The following USP40 variants were observed in gnomAD, a reference collection of about 807,000 sequenced individuals.
USP40 encodes ubiquitin carboxyl-terminal hydrolase 40.
Under a neutral mutation model 166.2 loss-of-function variants are expected in USP40, and 143 were observed. The observed-to-expected ratio is 0.86, with a 90% CI of 0.75 to 0.99. USP40 has a LOEUF of 0.99. Among genes scored for constraint, USP40 ranks in the 50% least tolerant of loss-of-function variants. The pLI is 0.00. For synonymous variants in USP40, 498 were observed against 524.0 expected, an observed-to-expected ratio of 0.95 and a Z score of 0.68; for missense variants, 1,444 against 1,479.7, an observed-to-expected ratio of 0.98 and a Z score of 0.40.
chr2:233,524,337 C>T (rs2067866919), intron 15 of USP40, among the ~76,000 whole-genome samples, 155 bp downstream of exon 15: 1 of 152,148 alleles, frequency 6.6e-6, no homozygotes, highest in South Asian at 2.1e-4. Flanking sequence ...ACTATGATGG[C>T]CAGGCTGGTC....
At chr2:233,496,590 A>C (rs2065761914) in intron 24 of USP40, among the ~76,000 whole-genome samples, 168 bp downstream of exon 24, 1 of 152,246 alleles carries the variant, frequency 6.6e-6, no homozygotes, top group African/African-American at 2.4e-5. Context: ...TTGTGTGAGA[A>C]TATTTACAAG....
In USP40 at chr2:233,485,938, A is replaced by C. The variant is rs771203306; in HGVS notation, c.3237T>G (p.Pro1079=). 151 of 1,595,798 alleles carry C rather than the reference A, an allele frequency of 9.5e-5. 1 individual carries two copies. The South Asian group carries it at 1.7e-3, about 18-fold the overall frequency. ...DVLLRTQVRI[P]GERTYAPALD... Reference sequence around the variant, plus strand: ...GGGCAGGGGCATAGGTCCTCTCACCAGGGATGCGCACCTGTGTCCTCAGCA... The same window carrying C: ...GGGCAGGGGCATAGGTCCTCTCACCCGGGATGCGCACCTGTGTCCTCAGCA... The change falls in exon 29 of 32, where the codon CCT becomes CCG. Residue 1079 remains proline, a synonymous_variant. Transcript: ENST00000678225.
At chr2:233,554,269 C>T in intron 6 of USP40, 111 bp downstream of exon 6, 1 of 1,127,244 alleles carries the variant, frequency 8.9e-7, no homozygotes, top group Admixed American at 3.3e-5. Flanking sequence ...AATATCTTTT[C>T]AATCCTTAGT....
In USP40 at chr2:233,493,481, T is replaced by G. The variant is rs767853288; in HGVS notation, c.2861A>C (p.Asp954Ala). Residue 954 changes from aspartate (D) to alanine (A), a missense_variant, in exon 25 of 32, where the codon GAC becomes GCC. Physicochemically the swap from Asp to Ala is moderately radical, Grantham distance 126 (BLOSUM62 -2). Coordinates refer to ENST00000678225, the MANE Select transcript of USP40 (RefSeq NM_001365479.2). The surrounding 1 kb of genome is among the most constrained non-coding windows in gnomAD (Gnocchi z 4.7). ...CCAAGACGAAGTACAGTTGGTCTGG[T>G]CCTGATGACTCTCCCAGTGTCCTGA... ...GPSGHWESHQ[D>A]QTNCTSSWGR... The G allele has an allele frequency of 3.7e-6, 6 of 1,613,916 alleles. No homozygotes were observed. The highest frequency in any genetic ancestry group is 5.1e-6 in the Non-Finnish European group (6 of 1,179,874).
At chr2:233,520,800 C>T (rs924197222) in intron 17 of USP40, among the ~76,000 whole-genome samples, 191 bp downstream of exon 17, 2 of 152,094 alleles carry the variant, frequency 1.3e-5, no homozygotes, top group South Asian at 2.1e-4. Context: ...TTAAAAGGCA[C>T]GTATTTTCTT....
At position 233,556,936 on chromosome 2, in the gene USP40, A is replaced by G; in HGVS notation, c.465T>C (p.His155=). The part of the protein sequence containing the change: ...LETSLVGTSG[H]DLIYRLYHGT... ...CATGGTACAGACGATAGATGAGGTC[A>G]TGACCGGAGGTCCCAACTAAAGAAG... is the stretch of plus-strand genomic sequence containing the variant. Residue 155 remains histidine, a synonymous_variant, in exon 5 of 32, where the codon CAT becomes CAC. Coordinates refer to ENST00000678225, the MANE Select transcript of USP40 (RefSeq NM_001365479.2). The G allele has an allele frequency of 6.2e-7, 1 of 1,614,024 alleles. No individual in the cohort carries two copies. The highest frequency in any genetic ancestry group is 1.1e-5 in the South Asian group (1 of 91,090).
intron 5 of USP40, among the ~76,000 whole-genome samples, chr2:233,555,636 C>CTTTTTT (rs1232616788): frequency 1.5e-5 from 2 of 129,034 alleles, no homozygotes; most frequent in East Asian, 2.2e-4. Flanking sequence ...AAAAATCACT[C>CTTTTTT]TTTTTTTTTT....
At chr2:233,533,879 A>T (rs1412101296) in intron 10 of USP40, 100 bp from the exon 11 acceptor site, 1 of 1,223,380 alleles carries the variant, frequency 8.2e-7, no homozygotes. Flanking sequence ...AGATCATTTA[A>T]CTTCATCTTT....
intron 12 of USP40, among the ~76,000 whole-genome samples, chr2:233,529,083 T>C (rs1056858107): frequency 6.6e-6 from 1 of 152,228 alleles, no homozygotes; most frequent in Non-Finnish European, 1.5e-5. Context: ...TGAGGGGTGA[T>C]TTTCATGGCA....
At chr2:233,510,632 G>T (rs1424960358) in intron 20 of USP40, among the ~76,000 whole-genome samples, 2 of 151,762 alleles carry the variant, frequency 1.3e-5, no homozygotes, top group African/African-American at 4.8e-5. Context: ...TTGAACTCCT[G>T]ACTTCAGGTG....
chr2:233,551,849 T>A (rs1478436392), intron 6 of USP40, among the ~76,000 whole-genome samples: 2 of 152,228 alleles, frequency 1.3e-5, no homozygotes, highest in Non-Finnish European at 2.9e-5. Flanking sequence ...CCACTTTACC[T>A]GGCAGGTCTA....
At chr2:233,514,783 T>C (rs1029725177) in intron 18 of USP40, among the ~76,000 whole-genome samples, 2 of 152,190 alleles carry the variant, frequency 1.3e-5, no homozygotes, top group Non-Finnish European at 2.9e-5. Context: ...AATTTTCTTA[T>C]AATAAAATAC....
At chr2:233,522,616 T>C (rs898916518) in intron 16 of USP40, among the ~76,000 whole-genome samples, 1 of 152,180 alleles carries the variant, frequency 6.6e-6, no homozygotes, top group African/African-American at 2.4e-5. Context: ...GTCACAGACA[T>C]AGATGACAAA....
chr2:233,539,016 A>T (rs1024386214), intron 10 of USP40, among the ~76,000 whole-genome samples: 1 of 152,202 alleles, frequency 6.6e-6, no homozygotes, highest in Non-Finnish European at 1.5e-5. Context: ...GTGACAGAGC[A>T]AAACTCTGTC....
intron 8 of USP40, chr2:233,542,736 A>G (rs1338329524): frequency 1.2e-5 from 2 of 160,692 alleles, no homozygotes; most frequent in Non-Finnish European, 2.7e-5. Context: ...AATAATCTGC[A>G]TATGCTTGGA....
At chr2:233,523,970 G>C (rs2067839815) in intron 15 of USP40, among the ~76,000 whole-genome samples, 1 of 152,192 alleles carries the variant, frequency 6.6e-6, no homozygotes, top group Non-Finnish European at 1.5e-5. Context: ...CAACTGACTG[G>C]CCTTTGATCT....
chr2:233,557,093 T>C (rs2071167287), intron 4 of USP40, 74 bp from the exon 5 acceptor site: 3 of 1,354,374 alleles, frequency 2.2e-6, no homozygotes, highest in Non-Finnish European at 3.0e-6. Context: ...CAAACATTAG[T>C]CAATAAAAAC....
At chr2:233,541,850 G>A (rs2069448568) in intron 9 of USP40, among the ~76,000 whole-genome samples, 1 of 152,040 alleles carries the variant, frequency 6.6e-6, no homozygotes, top group South Asian at 2.1e-4. Context: ...GCAATAAATT[G>A]CAAAACAGCA....
At chr2:233,495,810 A>G (rs143591284) in intron 24 of USP40, among the ~76,000 whole-genome samples, 58 of 152,338 alleles carry the variant, frequency 3.8e-4, no homozygotes, top group African/African-American at 1.4e-3. Flanking sequence ...AGTATTGCCT[A>G]TTCAAAAATT....
Sources: gnomAD v4.1 joint callset for allele counts (sites outside exome capture counted in the v4.1 genomes callset) on GRCh38, gnomAD v4.1.1 for gene constraint, Gnocchi (gnomAD v3.1) non-coding constraint, MANE v1.5 for transcripts, NCBI Gene and HGNC (gene_info 2026-07-23, HGNC 2026-07-21) for gene names.